The following CTNNA3 variants were observed in gnomAD, a reference collection of about 807,000 sequenced individuals.
CTNNA3 encodes the protein catenin alpha-3.
In CTNNA3, 76 loss-of-function variants were observed where a neutral mutation model predicts 95.7. That is an observed-to-expected ratio of 0.79 (90% confidence interval 0.66 to 0.96). CTNNA3 has a LOEUF of 0.96. Ranked by LOEUF, CTNNA3 falls within the 40% of genes least tolerant of loss-of-function variation. CTNNA3 has a pLI of 0.00. For missense variants in CTNNA3, 1,191 were observed against 1,089.8 expected (o/e 1.09, Z -1.31); for synonymous variants, 431 against 374.4 (o/e 1.15, Z -1.74).
At chr10:67,134,786 T>TA (rs1226645457) in intron 7 of CTNNA3, among the ~76,000 whole-genome samples, 1 of 152,152 alleles carries the variant, frequency 6.6e-6, no homozygotes, top group East Asian at 1.9e-4. Context: ...TAACCTCTAA[T>TA]AACTGCTGAG....
At chr10:67,425,848 A>G (rs1015235341) in intron 5 of CTNNA3, among the ~76,000 whole-genome samples, 3 of 152,044 alleles carry the variant, frequency 2.0e-5, no homozygotes, top group African/African-American at 2.4e-5. Context: ...AGTGAAAATT[A>G]TCAGCCTATG....
intron 11 of CTNNA3, among the ~76,000 whole-genome samples, chr10:66,387,408 C>T (rs2092901892): frequency 6.6e-6 from 1 of 152,116 alleles, no homozygotes; most frequent in Non-Finnish European, 1.5e-5. Context: ...CCATCTCATG[C>T]CAGTTAGAAT....
At chr10:65,969,690 T>C (rs1346749790) in intron 16 of CTNNA3, among the ~76,000 whole-genome samples, 2 of 152,084 alleles carry the variant, frequency 1.3e-5, no homozygotes, top group South Asian at 4.1e-4. Flanking sequence ...TGAAGACCAG[T>C]CTTTTGAATT....
chr10:67,064,741 T>A (rs533150816), intron 7 of CTNNA3, among the ~76,000 whole-genome samples: 1 of 152,210 alleles, frequency 6.6e-6, no homozygotes, highest in Non-Finnish European at 1.5e-5. Context: ...TTTAAGTGTA[T>A]AATATTCTTG....
intron 10 of CTNNA3, among the ~76,000 whole-genome samples, chr10:66,564,217 A>T (rs1842639221): frequency 1.3e-5 from 2 of 152,156 alleles, no homozygotes. Flanking sequence ...ACTTGGTGCT[A>T]TGTTCATATT....
chr10:66,354,438 C>A (rs1430116239), intron 12 of CTNNA3, among the ~76,000 whole-genome samples: 6 of 151,924 alleles, frequency 3.9e-5, no homozygotes, highest in African/African-American at 9.7e-5. Flanking sequence ...TTGTTCTGAA[C>A]TACCTTGAGA....
rs192715528 is a variant in CTNNA3 at position 66,789,047 on chromosome 10, T to C, written c.1048-13523A>G. On this transcript the variant is annotated intron_variant, in intron 7 of 17. Coordinates refer to ENST00000433211, the MANE Select transcript of CTNNA3 (RefSeq NM_013266.4). ...CACAGTTTTAATTTAGTAAGATCTT[T>C]TGTTATAATAACAAGTGCATTGTTA... 7.9e-4 allele frequency among the ~76,000 whole-genome samples: 121 copies of C among 152,324 alleles called. 2 individuals are homozygous for C. The highest frequency in any genetic ancestry group is 7.8e-3 in the Admixed American group (119 of 15,300).
intron 16 of CTNNA3, among the ~76,000 whole-genome samples, chr10:65,982,709 G>A (rs2078345672): frequency 1.4e-5 from 2 of 147,744 alleles, no homozygotes; most frequent in Non-Finnish European, 3.0e-5. Flanking sequence ...GTGTGTGTGT[G>A]TGTATATATA....
chr10:66,627,762 G>A (rs1009239276), intron 9 of CTNNA3, among the ~76,000 whole-genome samples: 1 of 152,138 alleles, frequency 6.6e-6, no homozygotes, highest in East Asian at 1.9e-4. Flanking sequence ...ACAGATAAGT[G>A]TCTTCCTTTG....
chr10:67,521,898 G>A lies in CTNNA3; in HGVS notation c.523C>T (p.Gln175Ter), dbSNP rs775927425. 2 of 1,612,844 alleles carry A rather than the reference G, an allele frequency of 1.2e-6. No individual in the cohort carries two copies. The highest frequency in any genetic ancestry group is 1.7e-6 in the Non-Finnish European group (2 of 1,179,092). Residue 175 changes from glutamine (Q) to a stop codon, truncating the protein, a stop_gained, in exon 5 of 18, where the codon CAG (glutamine) becomes TAG (stop). Coordinates refer to ENST00000433211, the MANE Select transcript of CTNNA3 (RefSeq NM_013266.4). LOFTEE classifies it high-confidence loss of function. ...TTTTCCAGCTCCTTCCCAAGCTTCT[G>A]GTAGGTTTTCTGGAGGTCAGATTTG... ...ANKSDLQKTY[Q>*]KLGKELENLD...
intron 7 of CTNNA3, among the ~76,000 whole-genome samples, chr10:66,806,340 T>A (rs1335549279): frequency 1.3e-5 from 2 of 151,494 alleles, no homozygotes; most frequent in Non-Finnish European, 2.9e-5. Flanking sequence ...GTAGTTGATA[T>A]TTCTATCAGT....
chr10:66,865,215 T>C (rs5005910), intron 7 of CTNNA3, among the ~76,000 whole-genome samples: 666 of 33,070 alleles, frequency 0.02, 12 homozygotes, highest in South Asian at 0.15. Context: ...TGTGTGTGCG[T>C]GTGTGTGTGT....
chr10:67,713,727 T>C (rs1188242564), intron 1 of CTNNA3, among the ~76,000 whole-genome samples: 1 of 151,256 alleles, frequency 6.6e-6, no homozygotes, highest in African/African-American at 2.4e-5. Flanking sequence ...TAAGTGGGAG[T>C]TGAACAATGA....
chr10:66,307,343 A>C (rs1478238380), intron 12 of CTNNA3, among the ~76,000 whole-genome samples: 1 of 152,220 alleles, frequency 6.6e-6, no homozygotes, highest in East Asian at 1.9e-4. Context: ...AAAATGTTAC[A>C]TATCATTTGC....
At chr10:66,588,429 C>T (rs1589457681) in intron 10 of CTNNA3, among the ~76,000 whole-genome samples, 2 of 152,176 alleles carry the variant, frequency 1.3e-5, no homozygotes, top group East Asian at 1.9e-4. Flanking sequence ...GTGGGAGAGG[C>T]AGGCTAACAA....
At chr10:67,662,362 T>C (rs946618257) in intron 1 of CTNNA3, among the ~76,000 whole-genome samples, 4 of 152,234 alleles carry the variant, frequency 2.6e-5, no homozygotes, top group African/African-American at 9.6e-5. Context: ...TATCTTATTT[T>C]GTGTCATATT....
Position 66,360,607 on chromosome 10 carries a change from CTT to C in CTNNA3, c.1732+18543_1732+18544del, listed in dbSNP as rs1333353751. ...TAATGTATTCTTTCCTTCTTTCTTT[CTT>C]TCTTTCTTTCTTTCTTTCTTTCTTT... is the stretch of plus-strand genomic sequence containing the variant. On this transcript the variant is annotated intron_variant, in intron 12 of 17. Coordinates refer to ENST00000433211, the MANE Select transcript of CTNNA3 (RefSeq NM_013266.4). Among the ~76,000 whole-genome samples, 14 of 29,360 alleles carry C rather than the reference CTT, an allele frequency of 4.8e-4. No homozygotes were observed. The South Asian group carries it at 0.019, about 41-fold the overall frequency. 19.3% of individuals were successfully genotyped at this position (29,360 alleles called of 152,430 possible). A position where few individuals can be genotyped will look rare whatever the true frequency, so the allele number is the denominator to read the frequency against.
At chr10:65,971,444 A>G (rs566131389) in intron 16 of CTNNA3, among the ~76,000 whole-genome samples, 1 of 151,678 alleles carries the variant, frequency 6.6e-6, no homozygotes, top group Non-Finnish European at 1.5e-5. Flanking sequence ...CAAAGAAAAA[A>G]AGAGAGAGGA....
At chr10:65,981,196 A>G (rs1433745661) in intron 16 of CTNNA3, among the ~76,000 whole-genome samples, 1 of 152,098 alleles carries the variant, frequency 6.6e-6, no homozygotes, top group African/African-American at 2.4e-5. Context: ...CTATATACCA[A>G]CAGTGACCAA....
Sources: gnomAD v4.1 joint callset for allele counts (sites outside exome capture counted in the v4.1 genomes callset) on GRCh38, gnomAD v4.1.1 for gene constraint, MANE v1.5 for transcripts, NCBI Gene and HGNC (gene_info 2026-07-23, HGNC 2026-07-21) for gene names.